The following PER1 variants were observed in gnomAD, a reference collection of about 807,000 sequenced individuals.
PER1 encodes the protein period circadian protein homolog 1.
A neutral mutation model predicts 125.9 loss-of-function variants in PER1; 87 were observed. That is an observed-to-expected ratio of 0.69 (90% CI 0.58 to 0.83). PER1 has a LOEUF of 0.83. PER1 is among the 40% of genes least tolerant of loss of function. The probability of loss-of-function intolerance (pLI) is 0.00; values close to 1 mark genes in which losing one functional copy is unlikely to be tolerated. For synonymous variants in PER1, 801 were observed against 714.7 expected, an observed-to-expected ratio of 1.12 and a Z score of -1.93; for missense variants, 1,775 against 1,722.8, an observed-to-expected ratio of 1.03 and a Z score of -0.54.
chr17:8,149,240 T>A lies in PER1; in HGVS notation c.905+19A>T. On this transcript the variant is annotated intron_variant, in intron 7 of 22. Coordinates refer to ENST00000317276, the MANE Select transcript of PER1 (RefSeq NM_002616.3). ...AAAAAAAAAGGAGGCAGAGGTCTTCTCCAGTTCCCCTCACCTACCTGATAC... is the reference window on the plus strand; with the variant it reads ...AAAAAAAAAGGAGGCAGAGGTCTTCACCAGTTCCCCTCACCTACCTGATAC... 1 of 1,607,536 alleles carries A rather than the reference T, an allele frequency of 6.2e-7. No individual in the cohort carries two copies. Among genetic ancestry groups the A allele is most frequent in the Non-Finnish European group, 8.5e-7 (1 of 1,175,366 alleles).
In PER1 at chr17:8,140,924, TG is replaced by T; in HGVS notation, c.*143del. ...CAGAGGCAGCCCCTGGATCCTAGGCTGGTGATGGGGGTCCGGCCCCCTATGG... is the reference window on the plus strand; with the variant it reads ...CAGAGGCAGCCCCTGGATCCTAGGCTGTGATGGGGGTCCGGCCCCCTATGG... On this transcript the variant is annotated 3_prime_UTR_variant, in exon 23 of 23. Coordinates refer to ENST00000317276, the MANE Select transcript of PER1 (RefSeq NM_002616.3). 1.1e-6 allele frequency: 1 copy of T among 914,322 alleles called. No individual in the cohort carries two copies. Among genetic ancestry groups the T allele is most frequent in the Non-Finnish European group, 1.7e-6 (1 of 598,098 alleles). 56.6% of individuals were successfully genotyped at this position (914,322 alleles called of 1,614,324 possible). A position where few individuals can be genotyped will look rare whatever the true frequency, so the allele number is the denominator to read the frequency against.
chr17:8,151,264 C>T (rs1982846002), intron 1 of PER1, among the ~76,000 whole-genome samples: 1 of 152,240 alleles, frequency 6.6e-6, no homozygotes, highest in Non-Finnish European at 1.5e-5. Context: ...TGCACATGCG[C>T]GCCGACGTGC....
intron 14 of PER1, 50 bp from the exon 15 acceptor site, chr17:8,146,815 A>C (rs781191356): frequency 2.1e-5 from 33 of 1,606,010 alleles, no homozygotes; most frequent in Middle Eastern, 1.7e-4. Context: ...CTCACATGGA[A>C]AAAAACAGCA....
rs1388917023 is a variant in PER1 at position 8,148,274 on chromosome 17, G to C, written c.1049-15C>G. 7 of 1,608,946 alleles carry C rather than the reference G, an allele frequency of 4.4e-6. No homozygotes were observed. The highest frequency in any genetic ancestry group is 1.7e-5 in the Admixed American group (1 of 59,926). On this transcript the variant is annotated splice_polypyrimidine_tract_variant and intron_variant, in intron 8 of 22. Transcript: ENST00000317276. ...TATCCGGGGAGCTGAGGCACAGAGA[G>C]TGTGGTCACTGGGTTTCGTCCAGAA...
rs1406345809 is a variant in PER1 at position 8,146,653 on chromosome 17, C to T, written c.1848G>A (p.Glu616=). ...APLALVPEEA[E]RKEASSCSYQ... is the part of the protein sequence containing the mutation. ...AGGAGCAGCTGGAGGCTTCTTTCCT[C>T]TCGGCCTCCTCAGGGACCAAGGCTA... Residue 616 remains glutamate (E), a synonymous_variant, in exon 15 of 23, where the codon GAG becomes GAA. Transcript: ENST00000317276. 8 of 1,613,758 alleles carry T rather than the reference C, an allele frequency of 5.0e-6. No individual in the cohort carries two copies. Among genetic ancestry groups the T allele is most frequent in the Non-Finnish European group, 6.8e-6 (8 of 1,180,000 alleles).
chr17:8,146,797 T>G lies in PER1; in HGVS notation c.1736-32A>C, dbSNP rs973774733. Reference sequence around the variant, plus strand: ...CAAAGAGAGAAAGAGGAAAATAGCCTTCTCAAGCTCACATGGAAAAAAACA... The same window carrying G: ...CAAAGAGAGAAAGAGGAAAATAGCCGTCTCAAGCTCACATGGAAAAAAACA... On this transcript the variant is annotated intron_variant, in intron 14 of 22. Transcript: ENST00000317276. 1.1e-5 allele frequency: 17 copies of G among 1,607,138 alleles called. No homozygotes were observed. In the East Asian group the frequency reaches 1.1e-4, roughly 11 times the overall value.
chr17:8,149,573 C>T lies in PER1; in HGVS notation c.742G>A (p.Val248Met), dbSNP rs1331811310. Residue 248 changes from valine (V) to methionine (M), a missense_variant, in exon 6 of 23, where the codon GTG (valine) becomes ATG (methionine). Val to Met is a conservative substitution (Grantham distance 21, BLOSUM62 1). Transcript: ENST00000317276. Reference protein sequence around the residue: ...AAVLLRCKRDVFRGTRFSELL... With the variant: ...AAVLLRCKRDMFRGTRFSELL... ...TCAGAGAAGCGGGTACCCCGGAACACGTCCCGCTTGCAACGCAGCAGGACG... is the reference window on the plus strand; with the variant it reads ...TCAGAGAAGCGGGTACCCCGGAACATGTCCCGCTTGCAACGCAGCAGGACG... 5.0e-6 allele frequency: 8 copies of T among 1,613,890 alleles called. No individual in the cohort carries two copies. The highest frequency in any genetic ancestry group is 5.9e-6 in the Non-Finnish European group (7 of 1,179,900).
chr17:8,146,658 C>T lies in PER1; in HGVS notation c.1843G>A (p.Ala615Thr). 6.2e-7 allele frequency: 1 copy of T among 1,613,862 alleles called. No homozygotes were observed. Among genetic ancestry groups the T allele is most frequent in the Non-Finnish European group, 8.5e-7 (1 of 1,179,984 alleles). Reference protein sequence around the residue: ...QAPLALVPEEAERKEASSCSY... With the variant: ...QAPLALVPEETERKEASSCSY... ...CAGCTGGAGGCTTCTTTCCTCTCGGCCTCCTCAGGGACCAAGGCTAGTGGG... is the reference window on the plus strand; with the variant it reads ...CAGCTGGAGGCTTCTTTCCTCTCGGTCTCCTCAGGGACCAAGGCTAGTGGG... Residue 615 changes from alanine to threonine, a missense_variant, in exon 15 of 23, where the codon GCC becomes ACC. Physicochemically the swap from Ala to Thr is moderately conservative, Grantham distance 58. Coordinates refer to ENST00000317276, the MANE Select transcript of PER1 (RefSeq NM_002616.3).
chr17:8,147,206 G>C, intron 13 of PER1, 44 bp downstream of exon 13: 2 of 1,569,346 alleles, frequency 1.3e-6, no homozygotes, highest in Non-Finnish European at 1.7e-6. Flanking sequence ...AAGAAGGAGA[G>C]GGGAAAGGGC....
chr17:8,140,929 A>T lies in PER1; in HGVS notation c.*139T>A. 1.0e-6 allele frequency: 1 copy of T among 969,046 alleles called. No homozygotes were observed. 60.0% of individuals were successfully genotyped at this position (969,046 alleles called of 1,614,324 possible). A position where few individuals can be genotyped will look rare whatever the true frequency, so the allele number is the denominator to read the frequency against. On this transcript the variant is annotated 3_prime_UTR_variant, in exon 23 of 23. Coordinates refer to ENST00000317276, the MANE Select transcript of PER1 (RefSeq NM_002616.3). ...GCAGCCCCTGGATCCTAGGCTGGTG[A>T]TGGGGGTCCGGCCCCCTATGGTGGG...
chr17:8,143,301 G>C lies in PER1; in HGVS notation c.3037C>G (p.Pro1013Ala), dbSNP rs1385830125. 5 of 1,583,812 alleles carry C rather than the reference G, an allele frequency of 3.2e-6. No individual in the cohort carries two copies. The African/African-American group carries it at 6.7e-5, about 21-fold the overall frequency. ...TCTGGCTCAGCAGCCTCCGCACTGG[G>C]AGGTGGGGGCCCGGCACTGCTCCCA... ...GPGSSAGPPP[P>A]SAEAAEPEAR... Residue 1013 changes from proline (P) to alanine (A), a missense_variant, in exon 19 of 23, where the codon CCC becomes GCC. By Grantham distance (27) the Pro-to-Ala change is conservative. Transcript: ENST00000317276.
chr17:8,144,702 A>T (rs1372670813), intron 18 of PER1, 49 bp downstream of exon 18: 3 of 1,539,682 alleles, frequency 1.9e-6, no homozygotes, highest in Non-Finnish European at 2.6e-6. Flanking sequence ...CCAACAATCC[A>T]GTCCTAGACT....
At chr17:8,145,935 GC>G (rs762627196) in intron 17 of PER1, 22 bp downstream of exon 17, 2 of 1,571,008 alleles carry the variant, frequency 1.3e-6, no homozygotes, top group Admixed American at 1.8e-5. Context: ...CCCAAGCACT[GC>G]CCCCCAATTC....
rs1293419050 is a variant in PER1, at chr17:8,140,758, G to A, written c.*310C>T. 17 of 338,722 alleles carry A rather than the reference G, an allele frequency of 5.0e-5. No homozygotes were observed. Among genetic ancestry groups the A allele is most frequent in the Non-Finnish European group, 7.7e-5 (14 of 181,218 alleles). 21.0% of individuals were successfully genotyped at this position (338,722 alleles called of 1,614,324 possible). A position where few individuals can be genotyped will look rare whatever the true frequency, so the allele number is the denominator to read the frequency against. On this transcript the variant is annotated 3_prime_UTR_variant, in exon 23 of 23. Coordinates refer to ENST00000317276, the MANE Select transcript of PER1 (RefSeq NM_002616.3). ...CCCAACCCTCAAGAGTCAGATTCAG[G>A]CTCAGCTGGAATATGGAGAGGCCAC...
At chr17:8,149,004 C>A (rs1482748496) in intron 7 of PER1, 3 of 619,732 alleles carry the variant, frequency 4.8e-6, no homozygotes, top group Admixed American at 2.9e-5. Context: ...GCCTGGCCAA[C>A]ATGGTGAAAC....
intron 22 of PER1, 120 bp downstream of exon 22, chr17:8,141,685 C>T (rs1341712208): frequency 6.6e-6 from 9 of 1,359,624 alleles, no homozygotes; most frequent in Admixed American, 2.0e-5. Context: ...CTCTTGGCCT[C>T]GATCCCTTGA....
At position 8,147,476 on chromosome 17, in the gene PER1, C is replaced by T. The variant is rs775778875; in HGVS notation, c.1491G>A (p.Leu497=). The change falls in exon 12 of 23, where the codon CTG becomes CTA. Residue 497 remains leucine, a synonymous_variant. Transcript: ENST00000317276. ...QELSEQIHRL[L]LQPVHSPSPT... The stretch of plus-strand genomic sequence containing the variant: ...CCCTCTCCGCTACTCTCACCTGCAG[C>T]AGCAGCCGGTGGATCTGCTCTGACA... The T allele has an allele frequency of 9.3e-6, 15 of 1,613,600 alleles. No individual in the cohort carries two copies. The highest frequency in any genetic ancestry group is 3.3e-5 in the Admixed American group (2 of 59,988).
At chr17:8,149,214 A>AAAC in intron 7 of PER1, 45 bp downstream of exon 7, 2 of 348,968 alleles carry the variant, frequency 5.7e-6, no homozygotes, top group Non-Finnish European at 9.9e-6. Flanking sequence ...AAACAAAAAC[A>AAAC]AAAAAAAAAG....
Position 8,150,073 on chromosome 17 carries a change from G to T in PER1, c.427C>A (p.Arg143=). ...RTQKELMTAL[R]ELKLRLPPER... The stretch of plus-strand genomic sequence containing the variant: ...GGCGGCAGTCGAAGCTTGAGCTCTC[G>T]AAGTGCTGTCATGAGTTCCTTCTGA... Residue 143 remains arginine, a synonymous_variant, in exon 4 of 23, where the codon CGA becomes AGA. Transcript: ENST00000317276. The T allele has an allele frequency of 6.2e-7, 1 of 1,614,208 alleles. No homozygotes were observed. Among genetic ancestry groups the T allele is most frequent in the Non-Finnish European group, 8.5e-7 (1 of 1,180,030 alleles).
Sources: allele counts gnomAD v4.1 joint callset (sites outside exome capture counted in the v4.1 genomes callset), GRCh38; gene constraint gnomAD v4.1.1; transcripts MANE v1.5; gene names NCBI Gene and HGNC (gene_info 2026-07-23, HGNC 2026-07-21).